The following TMEM233 variants were observed in gnomAD, a reference collection of about 807,000 sequenced individuals.
TMEM233 encodes dispanin subfamily B member 2.
TMEM233 carries 6 observed loss-of-function variants against 11.2 expected under a neutral mutation model. The ratio of observed to expected loss-of-function variants is 0.54; its 90% CI spans 0.29 to 1.06. The LOEUF (loss-of-function observed/expected upper bound fraction) is 1.06. Ranked by LOEUF, TMEM233 falls within the 50% of genes least tolerant of loss-of-function variation. TMEM233 has a pLI of 0.08. For missense variants in TMEM233, 127 were observed against 144.7 expected (o/e 0.88, Z 0.63); for synonymous variants, 59 against 55.8 (o/e 1.06, Z -0.26).
intron 2 of TMEM233, chr12:119,631,753 C>A: frequency 1.4e-6 from 1 of 695,676 alleles, no homozygotes; most frequent in Non-Finnish European, 1.8e-6. Context: ...AGACCTTCAG[C>A]CAATTGTTTA....
At chr12:119,648,828 C>T in the TMEM233 span, among the ~76,000 whole-genome samples, 3 of 152,104 alleles carry the variant, frequency 2.0e-5, no homozygotes, top group Admixed American at 6.6e-5. Context: ...ATCATCATAG[C>T]TTTATTTTTA....
At chr12:119,615,165 C>T (rs1193248879) in intron 1 of TMEM233, among the ~76,000 whole-genome samples, 1 of 98,868 alleles carries the variant, frequency 1.0e-5, no homozygotes, top group African/African-American at 4.7e-5. Flanking sequence ...AGTCTACCCG[C>T]TTTCTGCTAA....
chr12:119,640,987 C>A lies in TMEM233; in HGVS notation c.*282C>A. ...ATGAAGTCTCACTGTCTCAGTTTAG[C>A]GAATCCCGTTGTGTCCACTCCTGTC... On this transcript the variant is annotated 3_prime_UTR_variant, in exon 3 of 3. Coordinates refer to ENST00000426426, the MANE Select transcript of TMEM233 (RefSeq NM_001136534.3). 2.3e-6 allele frequency: 1 copy of A among 430,048 alleles called. No homozygotes were observed. Among genetic ancestry groups the A allele is most frequent in the Non-Finnish European group, 4.2e-6 (1 of 240,288 alleles). The allele number at this position is 430,048 out of a possible 1,614,324, so 26.6% of individuals were successfully genotyped here. A position where few individuals can be genotyped will look rare whatever the true frequency, so the allele number is the denominator to read the frequency against.
chr12:119,637,791 C>T (rs568357184), intron 2 of TMEM233, among the ~76,000 whole-genome samples: 59 of 152,194 alleles, frequency 3.9e-4, no homozygotes, highest in Non-Finnish European at 7.1e-4. Context: ...AAGCTAGCAG[C>T]GCATTGATGA....
chr12:119,612,186 G>C (rs903340404), intron 1 of TMEM233, among the ~76,000 whole-genome samples: 1 of 151,958 alleles, frequency 6.6e-6, no homozygotes, highest in Admixed American at 6.5e-5. Flanking sequence ...GTAGAGATGA[G>C]GTTTCACCTT....
rs940902788 is a variant in TMEM233, at chr12:119,641,909, G to A, written c.*1204G>A. ...TCCCTTTTTAGCAAAGAAAGAGCAG[G>A]CCTCAGAGTCTTCTGTCTAGATAGA... On this transcript the variant is annotated 3_prime_UTR_variant, in exon 3 of 3. Coordinates refer to ENST00000426426, the MANE Select transcript of TMEM233 (RefSeq NM_001136534.3). The A allele has an allele frequency of 1.3e-5, 2 of 152,132 alleles. No homozygotes were observed. Among genetic ancestry groups the A allele is most frequent in the Non-Finnish European group, 2.9e-5 (2 of 68,024 alleles). The allele number at this position is 152,132 out of a possible 1,614,324, so 9.4% of individuals were successfully genotyped here.
chr12:119,602,021 C>G (rs1954178834), intron 1 of TMEM233, among the ~76,000 whole-genome samples: 1 of 152,156 alleles, frequency 6.6e-6, no homozygotes, highest in Non-Finnish European at 1.5e-5. Context: ...TATCACAACC[C>G]ATTATCTGGT....
intron 2 of TMEM233, among the ~76,000 whole-genome samples, chr12:119,638,409 G>T (rs1262795175): frequency 1.3e-5 from 2 of 152,128 alleles, no homozygotes; most frequent in Non-Finnish European, 2.9e-5. Context: ...GGTGCAGTCC[G>T]CTATAATTGT....
downstream of TMEM233, among the ~76,000 whole-genome samples, chr12:119,647,629 A>G (rs181374198): frequency 6.6e-6 from 1 of 152,160 alleles, no homozygotes; most frequent in African/African-American, 2.4e-5. Flanking sequence ...TTTTAACTTC[A>G]AGTTCTGGGA....
rs1369194646 is a variant in TMEM233, at chr12:119,595,051, T to C, written c.186+1017T>C. On this transcript the variant is annotated intron_variant, in intron 1 of 2. Coordinates refer to ENST00000426426, the MANE Select transcript of TMEM233 (RefSeq NM_001136534.3). This position sits in a 1 kb window ranked among gnomAD's most constrained non-coding sequence, Gnocchi z 4.3. ...TGCCCGCCTCTCTAGGAGTGGCCGC[T>C]GGGGCCTCTAGTCCGCCCTTCCGGA... Among the ~76,000 whole-genome samples, 1 of 152,212 alleles carries C rather than the reference T, an allele frequency of 6.6e-6. No individual in the cohort carries two copies. Among genetic ancestry groups the C allele is most frequent in the Non-Finnish European group, 1.5e-5 (1 of 68,018 alleles).
intron 2 of TMEM233, 139 bp from the exon 3 acceptor site, chr12:119,640,560 T>A (rs1955065275): frequency 1.1e-6 from 1 of 873,782 alleles, no homozygotes; most frequent in Admixed American, 2.1e-5. Context: ...GTCAAAAGTG[T>A]GCACGCAGGC....
intron 2 of TMEM233, among the ~76,000 whole-genome samples, chr12:119,637,393 C>T (rs369691270): frequency 6.6e-6 from 1 of 152,196 alleles, no homozygotes; most frequent in East Asian, 1.9e-4. Flanking sequence ...CATTAGCAGG[C>T]ACAGAGTTAG....
intron 2 of TMEM233, among the ~76,000 whole-genome samples, chr12:119,630,382 T>C (rs1954853944): frequency 6.6e-6 from 1 of 152,218 alleles, no homozygotes; most frequent in East Asian, 1.9e-4. Flanking sequence ...ATCTTGTAGC[T>C]GCTCTATCTA....
intron 1 of TMEM233, among the ~76,000 whole-genome samples, chr12:119,617,958 A>G (rs1353905761): frequency 6.6e-6 from 1 of 152,240 alleles, no homozygotes; most frequent in Non-Finnish European, 1.5e-5. Context: ...GAGACTTTGA[A>G]GGCAGCCCCT....
chr12:119,638,946 C>T (rs1299834255), intron 2 of TMEM233, among the ~76,000 whole-genome samples: 1 of 152,018 alleles, frequency 6.6e-6, no homozygotes, highest in Non-Finnish European at 1.5e-5. Context: ...CTGGCTGCCA[C>T]CTCCCCATCC....
chr12:119,640,027 G>A (rs1262173313), intron 2 of TMEM233, among the ~76,000 whole-genome samples: 1 of 152,246 alleles, frequency 6.6e-6, no homozygotes, highest in Non-Finnish European at 1.5e-5. Context: ...TTTCAATGCA[G>A]AGAAAAACGC....
At chr12:119,607,051 C>G (rs1954294725) in intron 1 of TMEM233, among the ~76,000 whole-genome samples, 1 of 152,112 alleles carries the variant, frequency 6.6e-6, no homozygotes, top group South Asian at 2.1e-4. Flanking sequence ...TTAAAAGTAG[C>G]CATATACCCA....
the TMEM233 span, among the ~76,000 whole-genome samples, chr12:119,654,128 T>A: frequency 6.6e-6 from 1 of 152,228 alleles, no homozygotes; most frequent in African/African-American, 2.4e-5. Context: ...TGACTTCTCT[T>A]TTTTTTCAGG....
chr12:119,605,012 TGCCACGGGTGAAA>T (rs1954243492), intron 1 of TMEM233, among the ~76,000 whole-genome samples: 1 of 151,472 alleles, frequency 6.6e-6, no homozygotes, highest in Non-Finnish European at 1.5e-5. Context: ...TTTTTTTTTT[TGCCACGGGTGAAA>T]TTCAGAAACT....
Sources: allele counts gnomAD v4.1 joint callset (sites outside exome capture counted in the v4.1 genomes callset), GRCh38; gene constraint gnomAD v4.1.1; non-coding constraint Gnocchi (gnomAD v3.1); transcripts MANE v1.5; gene names NCBI Gene and HGNC (gene_info 2026-07-23, HGNC 2026-07-21).